NOTCH2NLR: variants seen among roughly 807,000 people sequenced by gnomAD.
NOTCH2NLR encodes the protein notch 2 N-terminal like R.
A neutral mutation model predicts 35.6 loss-of-function variants in NOTCH2NLR; 33 were observed. The ratio of observed to expected loss-of-function variants is 0.93; its 90% confidence interval spans 0.70 to 1.24. The LOEUF (loss-of-function observed/expected upper bound fraction) is 1.24. NOTCH2NLR is among the 50% of genes most tolerant of loss of function. NOTCH2NLR has a pLI of 0.00. For missense variants in NOTCH2NLR, 276 were observed against 362.2 expected, an observed-to-expected ratio of 0.76 and a Z score of 1.93; for synonymous variants, 103 against 141.0, an observed-to-expected ratio of 0.73 and a Z score of 1.91.
Position 120,728,837 on chromosome 1 carries a change from G to A in NOTCH2NLR, c.73+4587G>A, listed in dbSNP as rs1438126280. Among the ~76,000 whole-genome samples, 3 of 108,334 alleles carry A rather than the reference G, an allele frequency of 2.8e-5. 1 individual carries two copies. The highest frequency in any genetic ancestry group is 1.7e-4 in the African/African-American group (3 of 17,286). 71.1% of individuals were successfully genotyped at this position (108,334 alleles called of 152,430 possible). On this transcript the variant is annotated intron_variant, in intron 1 of 4. Coordinates refer to ENST00000624419, the Ensembl canonical transcript of NOTCH2NLR. ...CTTTTTTTTTTTTTGAACCAAGAGA[G>A]TCCCCTGAACACCCTACTGACAAAA...
intron 3 of NOTCH2NLR, among the ~76,000 whole-genome samples, chr1:120,790,535 C>CCTTT (rs1189272610): frequency 0.18 from 13,760 of 76,644 alleles, 2,704 homozygotes; most frequent in East Asian, 0.2. Flanking sequence ...TTTCTCCCTC[C>CCTTT]CTTTCTTTCT....
rs1428653975 is a variant in NOTCH2NLR at position 120,761,080 on chromosome 1, C to T, written c.74-2548C>T. Among the ~76,000 whole-genome samples, 23 of 125,168 alleles carry T rather than the reference C, an allele frequency of 1.8e-4. 1 individual carries two copies. The highest frequency in any genetic ancestry group is 3.3e-4 in the Non-Finnish European group (20 of 60,822). 82.1% of individuals were successfully genotyped at this position (125,168 alleles called of 152,430 possible). A position where few individuals can be genotyped will look rare whatever the true frequency, so the allele number is the denominator to read the frequency against. ...ATTAATTATTAGCCTGGTAAGCCCA[C>T]CTTCTTTTCAGTCACTGAGTTTGAT... On this transcript the variant is annotated intron_variant, in intron 1 of 4. Transcript: ENST00000624419.
rs1353903876 is a variant in NOTCH2NLR, at chr1:120,724,218, C to A, written c.41C>A (p.Ala14Glu). 5.0e-6 allele frequency: 7 copies of A among 1,406,742 alleles called. 1 individual carries two copies. In the East Asian group the frequency reaches 7.3e-5, roughly 15 times the overall value. The allele number at this position is 1,406,742 out of a possible 1,614,324, so 87.1% of individuals were successfully genotyped here. The stretch of plus-strand genomic sequence containing the variant: ...CCCGCTCTGCTGTGGGCGCTGCTGG[C>A]GCTCTGGCTGTGCTGGGCGGCCCCC... The change falls in exon 1 of 5, where the codon GCG (alanine) becomes GAG (glutamate). Residue 14 changes from alanine to glutamate, a missense_variant. Ala to Glu is a moderately radical substitution (Grantham distance 107, BLOSUM62 -1). Transcript: ENST00000624419.
intron 1 of NOTCH2NLR, among the ~76,000 whole-genome samples, chr1:120,728,160 T>C (rs1225253214): frequency 8.9e-6 from 1 of 112,126 alleles, no homozygotes; most frequent in Non-Finnish European, 1.7e-5. Flanking sequence ...TTATTGTTAA[T>C]GCGTACATGA....
chr1:120,730,490 A>G lies in NOTCH2NLR; in HGVS notation c.73+6240A>G, dbSNP rs1650863722. Among the ~76,000 whole-genome samples, 2 of 78,270 alleles carry G rather than the reference A, an allele frequency of 2.6e-5. 1 individual carries two copies. 51.3% of individuals were successfully genotyped at this position (78,270 alleles called of 152,430 possible). A position where few individuals can be genotyped will look rare whatever the true frequency, so the allele number is the denominator to read the frequency against. ...AATACTGTCCTTGATAGGAAGAAGG[A>G]AGTGGCTTCAGATCTGAAAGGATAT... On this transcript the variant is annotated intron_variant, in intron 1 of 4. Coordinates refer to ENST00000624419, the Ensembl canonical transcript of NOTCH2NLR.
chr1:120,777,647 CT>C (rs1279579481), intron 2 of NOTCH2NLR, among the ~76,000 whole-genome samples: 1 of 21,806 alleles, frequency 4.6e-5, no homozygotes, highest in Non-Finnish European at 7.2e-5. Context: ...ATAGTATTTC[CT>C]TTTTTTCTTT....
At chr1:120,792,441 G>T (rs1171325683) in intron 3 of NOTCH2NLR, among the ~76,000 whole-genome samples, 1 of 93,056 alleles carries the variant, frequency 1.1e-5, no homozygotes, top group Non-Finnish European at 2.0e-5. Context: ...CTTTACAGAG[G>T]TTGGAACTTT....
In NOTCH2NLR at chr1:120,784,003, A is replaced by G. The variant is rs1158065307; in HGVS notation, c.156-971A>G. Among the ~76,000 whole-genome samples, 196 of 112,526 alleles carry G rather than the reference A, an allele frequency of 1.7e-3. 11 individuals carry two copies. Among genetic ancestry groups the G allele is most frequent in the South Asian group, 9.0e-3 (34 of 3,778 alleles). 73.8% of individuals were successfully genotyped at this position (112,526 alleles called of 152,430 possible). ...ATAATTAGAATTAAAGTTTTGTTGC[A>G]GAGGGATAAGTAAGAAGTAGATGGA... On this transcript the variant is annotated intron_variant, in intron 2 of 4. Coordinates refer to ENST00000624419, the Ensembl canonical transcript of NOTCH2NLR.
At chr1:120,778,045 CTAGCCTTGGCTGT>C (rs1651317993) in intron 2 of NOTCH2NLR, among the ~76,000 whole-genome samples, 1 of 88,050 alleles carries the variant, frequency 1.1e-5, no homozygotes. Flanking sequence ...CTGGTTCCAG[CTAGCCTTGGCTGT>C]TAGCAATTAC....
chr1:120,792,622 C>G (rs1651504495), intron 3 of NOTCH2NLR, among the ~76,000 whole-genome samples: 1 of 108,226 alleles, frequency 9.2e-6, no homozygotes, highest in South Asian at 2.6e-4. Context: ...CTGCCTCAGC[C>G]TTCCAAGTAG....
In NOTCH2NLR at chr1:120,728,211, G is replaced by GC. The variant is rs1411648426; in HGVS notation, c.73+3964dup. Among the ~76,000 whole-genome samples, 21 of 105,748 alleles carry GC rather than the reference G, an allele frequency of 2.0e-4. 4 individuals are homozygous for GC. The highest frequency in any genetic ancestry group is 3.2e-4 in the Non-Finnish European group (18 of 56,772). The allele number at this position is 105,748 out of a possible 152,430, so 69.4% of individuals were successfully genotyped here. On this transcript the variant is annotated intron_variant, in intron 1 of 4. Transcript: ENST00000624419. The stretch of plus-strand genomic sequence containing the variant: ...TTTTCATTTATGTGTTTATTCTAAT[G>GC]CCCATACCCTACCCCTGTACCTGGC...
chr1:120,768,242 A>G (rs1189000395), intron 2 of NOTCH2NLR, among the ~76,000 whole-genome samples: 1 of 113,212 alleles, frequency 8.8e-6, no homozygotes, highest in Non-Finnish European at 1.7e-5. Context: ...GGTTCAGTGG[A>G]AAGTGTGAGG....
rs1651100711 is a variant in NOTCH2NLR, at chr1:120,758,583, A to G, written c.74-5045A>G. Among the ~76,000 whole-genome samples, 7 of 105,158 alleles carry G rather than the reference A, an allele frequency of 6.7e-5. 2 individuals are homozygous for G. In the South Asian group the frequency reaches 1.9e-3, roughly 29 times the overall value. 69.0% of individuals were successfully genotyped at this position (105,158 alleles called of 152,430 possible). A position where few individuals can be genotyped will look rare whatever the true frequency, so the allele number is the denominator to read the frequency against. On this transcript the variant is annotated intron_variant, in intron 1 of 4. Transcript: ENST00000624419. The stretch of plus-strand genomic sequence containing the variant: ...CTTTTTACTCACTGGACCATTTCAT[A>G]ATCTTGACTTTTCTCAAACATAAAT...
chr1:120,724,037 G>C lies in NOTCH2NLR; in HGVS notation c.-141G>C, dbSNP rs1292639731. On this transcript the variant is annotated 5_prime_UTR_variant, in exon 1 of 5. Transcript: ENST00000624419. ...GGCATTTGCACCTGGGCTTCGGAGC[G>C]TAGCGCCAGGGCCTGAGCCTTTGAA... The C allele has an allele frequency of 8.0e-6, 10 of 1,251,084 alleles. 1 individual carries two copies. In the East Asian group the frequency reaches 3.0e-4, roughly 38 times the overall value. The allele number at this position is 1,251,084 out of a possible 1,614,324, so 77.5% of individuals were successfully genotyped here.
chr1:120,733,071 G>A (rs1650880926), intron 1 of NOTCH2NLR, among the ~76,000 whole-genome samples: 1 of 57,700 alleles, frequency 1.7e-5, no homozygotes, highest in African/African-American at 1.8e-4. Flanking sequence ...ATACGTCTTT[G>A]GTTTTTTTAC....
Position 120,745,200 on chromosome 1 carries a change from G to A in NOTCH2NLR, c.74-18428G>A, listed in dbSNP as rs1276337684. On this transcript the variant is annotated intron_variant, in intron 1 of 4. Coordinates refer to ENST00000624419, the Ensembl canonical transcript of NOTCH2NLR. ...TGCAAAGCCACATTCTTTACTGCAC[G>A]CTTTAGTCCATGGTTTTTTAAACTG... Among the ~76,000 whole-genome samples, 8 of 110,388 alleles carry A rather than the reference G, an allele frequency of 7.2e-5. 2 individuals are homozygous for A. The highest frequency in any genetic ancestry group is 5.1e-4 in the South Asian group (2 of 3,944). 72.4% of individuals were successfully genotyped at this position (110,388 alleles called of 152,430 possible).
rs1451479181 is a variant in NOTCH2NLR at position 120,793,651 on chromosome 1, G to A, written c.752-96G>A. 6.4e-5 allele frequency: 39 copies of A among 609,668 alleles called. 3 individuals are homozygous for A. The highest frequency in any genetic ancestry group is 1.1e-4 in the Non-Finnish European group (37 of 344,566). 37.8% of individuals were successfully genotyped at this position (609,668 alleles called of 1,614,324 possible). A position where few individuals can be genotyped will look rare whatever the true frequency, so the allele number is the denominator to read the frequency against. On this transcript the variant is annotated intron_variant, in intron 4 of 4. Coordinates refer to ENST00000624419, the Ensembl canonical transcript of NOTCH2NLR. ...TGCTAGTGAGGGAGGAGTTTTATGGGCCCACTGTGGTCCATAAACTGAGCA... is the reference window on the plus strand; with the variant it reads ...TGCTAGTGAGGGAGGAGTTTTATGGACCCACTGTGGTCCATAAACTGAGCA...
downstream of NOTCH2NLR, among the ~76,000 whole-genome samples, chr1:120,794,205 C>T (rs1406614089): frequency 8.6e-6 from 1 of 115,996 alleles, no homozygotes; most frequent in Non-Finnish European, 1.6e-5. Context: ...AGAGTGCACA[C>T]ACAACCCAAA....
chr1:120,723,961 G>A lies in NOTCH2NLR; in HGVS notation c.-217G>A, dbSNP rs1285923839. On this transcript the variant is annotated 5_prime_UTR_variant, in exon 1 of 5. Transcript: ENST00000624419. ...GAAAGTTTCAGCCAAACTTCCGGCG[G>A]CGGCTGAGGCGGCGGCCGAGGAGCG... 2.2e-6 allele frequency: 2 copies of A among 896,718 alleles called. 1 individual carries two copies. The highest frequency in any genetic ancestry group is 2.9e-6 in the Non-Finnish European group (2 of 680,886). 55.5% of individuals were successfully genotyped at this position (896,718 alleles called of 1,614,324 possible).
Sources: gnomAD v4.1 joint callset for allele counts (sites outside exome capture counted in the v4.1 genomes callset) on GRCh38, gnomAD v4.1.1 for gene constraint, MANE v1.5 for transcripts, NCBI Gene and HGNC (gene_info 2026-07-23, HGNC 2026-07-21) for gene names.